The following SORCS2 variants were observed in gnomAD, a reference collection of about 807,000 sequenced individuals.
SORCS2 encodes the protein sortilin related VPS10 domain containing receptor 2, also known as VPS10 domain-containing receptor SorCS2.
In SORCS2, 100 loss-of-function variants were observed where a neutral mutation model predicts 141.6. The observed-to-expected ratio is 0.71, with a 90% CI of 0.60 to 0.83. The LOEUF (loss-of-function observed/expected upper bound fraction) is 0.83. Among genes scored for constraint, SORCS2 ranks in the 40% least tolerant of loss-of-function variants. The probability of loss-of-function intolerance (pLI) is 0.00; values close to 1 mark genes in which losing one functional copy is unlikely to be tolerated. For synonymous variants in SORCS2, 789 were observed against 676.9 expected (o/e 1.17, Z -2.57); for missense variants, 1,646 against 1,560.2 (o/e 1.05, Z -0.93).
At chr4:7,216,473 G>T (rs968355012) in intron 1 of SORCS2, among the ~76,000 whole-genome samples, 1 of 152,186 alleles carries the variant, frequency 6.6e-6, no homozygotes, top group Non-Finnish European at 1.5e-5. Flanking sequence ...TTATGGTTCT[G>T]GAGGCCAGAA....
intron 2 of SORCS2, among the ~76,000 whole-genome samples, chr4:7,423,471 C>T (rs1391058358): frequency 6.6e-6 from 1 of 152,086 alleles, no homozygotes; most frequent in Non-Finnish European, 1.5e-5. Context: ...GGCTGGAGTG[C>T]AGTGATGCTT....
intron 2 of SORCS2, among the ~76,000 whole-genome samples, chr4:7,440,979 G>T (rs975611851): frequency 2.0e-5 from 3 of 152,226 alleles, no homozygotes; most frequent in Non-Finnish European, 4.4e-5. Context: ...AGGCAGAAGG[G>T]AGTTTCGTGG....
At chr4:7,637,964 A>G (rs1305373686) in intron 3 of SORCS2, among the ~76,000 whole-genome samples, 2 of 151,944 alleles carry the variant, frequency 1.3e-5, no homozygotes, top group Non-Finnish European at 2.9e-5. Flanking sequence ...CAGGCACCCC[A>G]TGAATGAACA....
At chr4:7,199,183 G>A (rs1054091762) in intron 1 of SORCS2, among the ~76,000 whole-genome samples, 1 of 152,218 alleles carries the variant, frequency 6.6e-6, no homozygotes, top group African/African-American at 2.4e-5. Context: ...GCCCTGGGGT[G>A]CAGAGGAAGG....
intron 2 of SORCS2, among the ~76,000 whole-genome samples, chr4:7,420,131 A>C (rs1725945373): frequency 6.6e-6 from 1 of 152,184 alleles, no homozygotes; most frequent in Non-Finnish European, 1.5e-5. Context: ...GGCTGCTCCC[A>C]TCTGCAAGGG....
At chr4:7,404,608 T>G (rs1048598122) in intron 2 of SORCS2, among the ~76,000 whole-genome samples, 1 of 152,216 alleles carries the variant, frequency 6.6e-6, no homozygotes, top group Non-Finnish European at 1.5e-5. Context: ...ATTGGTGATG[T>G]TGAGCATTTT....
In SORCS2 at chr4:7,741,632, A is replaced by C. The variant is rs1054712219; in HGVS notation, c.*1368A>C. On this transcript the variant is annotated 3_prime_UTR_variant, in exon 27 of 27. Transcript: ENST00000507866. ...GTGAATCCCAATGAGGGTCCCTCTC[A>C]GAGCGGGAGAACGCCAGAGCCCTGG... 2 of 173,102 alleles carry C rather than the reference A, an allele frequency of 1.2e-5. No individual in the cohort carries two copies. The highest frequency in any genetic ancestry group is 2.4e-5 in the Non-Finnish European group (2 of 83,878). The allele number at this position is 173,102 out of a possible 1,614,324, so 10.7% of individuals were successfully genotyped here. A position where few individuals can be genotyped will look rare whatever the true frequency, so the allele number is the denominator to read the frequency against.
rs574222500 is a variant in SORCS2 at position 7,286,314 on chromosome 4, G to A, written c.480+93188G>A. Among the ~76,000 whole-genome samples the A allele has an allele frequency of 1.5e-4, 23 of 152,358 alleles. No homozygotes were observed. Among genetic ancestry groups the A allele is most frequent in the African/African-American group, 5.0e-4 (21 of 41,586 alleles). On this transcript the variant is annotated intron_variant, in intron 1 of 26. Coordinates refer to ENST00000507866, the MANE Select transcript of SORCS2 (RefSeq NM_020777.3). The surrounding 1 kb of genome is among the most constrained non-coding windows in gnomAD (Gnocchi z 4.1). Reference sequence around the variant, plus strand: ...CCAGCTGGAGCCACCGCTGGAGAGAGCAGGCCTGTTGTGGGAGCAGCGGAA... The same window carrying A: ...CCAGCTGGAGCCACCGCTGGAGAGAACAGGCCTGTTGTGGGAGCAGCGGAA...
intron 1 of SORCS2, among the ~76,000 whole-genome samples, chr4:7,361,710 C>A (rs1184184051): frequency 6.6e-6 from 1 of 151,858 alleles, no homozygotes. Context: ...GGGCTGGGGA[C>A]CCCACTGCAG....
intron 2 of SORCS2, among the ~76,000 whole-genome samples, chr4:7,477,405 C>T (rs76748679): frequency 4.9e-4 from 3 of 6,124 alleles, no homozygotes; most frequent in Admixed American, 7.7e-3. Context: ...ACATGGCTGA[C>T]TGGGGCTGAC....
In SORCS2 at chr4:7,638,392, G is replaced by C; in HGVS notation, c.713G>C (p.Gly238Ala). The stretch of plus-strand genomic sequence containing the variant: ...AGCCTATTCCTCAGCGCAGACGAAG[G>C]CGCCACCTTTCAGAAGCAGCCCATT... Reference protein sequence around the residue: ...DQSLFLSADEGATFQKQPIPF... With the variant: ...DQSLFLSADEAATFQKQPIPF... The change falls in exon 4 of 27, where the codon GGC (glycine) becomes GCC (alanine). Residue 238 changes from glycine to alanine, a missense_variant. By Grantham distance (60) the Gly-to-Ala change is moderately conservative. Transcript: ENST00000507866. 1 of 1,580,934 alleles carries C rather than the reference G, an allele frequency of 6.3e-7. No homozygotes were observed. Among genetic ancestry groups the C allele is most frequent in the South Asian group, 1.2e-5 (1 of 85,088 alleles).
chr4:7,250,228 C>T (rs946669636), intron 1 of SORCS2, among the ~76,000 whole-genome samples: 8 of 146,502 alleles, frequency 5.5e-5, no homozygotes, highest in Non-Finnish European at 1.1e-4. Flanking sequence ...GGTGATTGAG[C>T]GAGGGCTCTG....
intron 1 of SORCS2, among the ~76,000 whole-genome samples, chr4:7,221,713 T>C (rs1295371018): frequency 1.1e-4 from 16 of 152,206 alleles, no homozygotes; most frequent in Admixed American, 1.0e-3. Flanking sequence ...CCAACACTCA[T>C]CTTCCAGAGC....
chr4:7,627,164 T>C (rs1203019267), intron 3 of SORCS2, among the ~76,000 whole-genome samples: 1 of 152,040 alleles, frequency 6.6e-6, no homozygotes, highest in Non-Finnish European at 1.5e-5. Flanking sequence ...TTTTCTATAC[T>C]TGGAGAGACA....
intron 1 of SORCS2, among the ~76,000 whole-genome samples, chr4:7,342,553 C>T (rs1013081184): frequency 6.6e-6 from 1 of 152,112 alleles, no homozygotes; most frequent in Non-Finnish European, 1.5e-5. Flanking sequence ...TGTGTCCTTT[C>T]ACCCTTGGAG....
chr4:7,342,205 G>A (rs1720407033), intron 1 of SORCS2, among the ~76,000 whole-genome samples: 1 of 152,188 alleles, frequency 6.6e-6, no homozygotes, highest in African/African-American at 2.4e-5. Flanking sequence ...CTGGGAACAA[G>A]GGGCTGCAGC....
At chr4:7,567,212 A>G (rs1211692335) in intron 3 of SORCS2, among the ~76,000 whole-genome samples, 2 of 152,188 alleles carry the variant, frequency 1.3e-5, no homozygotes. Context: ...TGGTATGTAC[A>G]TTTGTCATGA....
intron 3 of SORCS2, among the ~76,000 whole-genome samples, chr4:7,599,966 G>A (rs1002713364): frequency 1.1e-4 from 17 of 151,926 alleles, no homozygotes; most frequent in African/African-American, 4.1e-4. Context: ...TGGGGTTACA[G>A]GTCTGTGCCA....
At chr4:7,217,684 T>C (rs541467837) in intron 1 of SORCS2, among the ~76,000 whole-genome samples, 13 of 152,272 alleles carry the variant, frequency 8.5e-5, no homozygotes, top group Admixed American at 8.5e-4. Context: ...TCGGCTCTCC[T>C]TGACTCGTTA....
Sources: gnomAD v4.1 joint callset for allele counts (sites outside exome capture counted in the v4.1 genomes callset) on GRCh38, gnomAD v4.1.1 for gene constraint, Gnocchi (gnomAD v3.1) non-coding constraint, MANE v1.5 for transcripts, NCBI Gene and HGNC (gene_info 2026-07-23, HGNC 2026-07-21) for gene names.